PLCL2: variants seen among roughly 807,000 people sequenced by gnomAD.
PLCL2 encodes phospholipase C like 2.
Under a neutral mutation model 79.6 loss-of-function variants are expected in PLCL2, and 4 were observed. The observed-to-expected ratio is 0.05, with a 90% CI of 0.02 to 0.11. PLCL2 has a LOEUF of 0.11. PLCL2 is among the 10% of genes least tolerant of loss of function. The pLI, the probability that PLCL2 is intolerant of heterozygous loss-of-function variation, is 1.00. For synonymous variants in PLCL2, 484 were observed against 457.7 expected (o/e 1.06, Z -0.73); for missense variants, 895 against 1,291.0 (o/e 0.69, Z 4.70).
chr3:17,049,745 GTC>G (rs1186411990), intron 4 of PLCL2, among the ~76,000 whole-genome samples: 2 of 151,960 alleles, frequency 1.3e-5, no homozygotes, highest in South Asian at 4.1e-4. Context: ...TTGTTAAAAT[GTC>G]CATACTACCC....
chr3:17,042,909 A>C lies in PLCL2; in HGVS notation c.3054A>C (p.Ala1018=). ...IQSLKALIEN[A]DAVYEKIVHC... ...CCCTCAAGGCGTTGATTGAAAATGC[A>C]GATGCTGTATATGAAAAGATCGTAC... The change falls in exon 4 of 6, where the codon GCA becomes GCC. Residue 1018 remains alanine (A), a synonymous_variant. Transcript: ENST00000615277. 6.2e-7 allele frequency: 1 copy of C among 1,612,620 alleles called. No homozygotes were observed. The highest frequency in any genetic ancestry group is 8.5e-7 in the Non-Finnish European group (1 of 1,178,720).
At chr3:16,988,299 C>T (rs1422000270) in intron 1 of PLCL2, among the ~76,000 whole-genome samples, 1 of 152,046 alleles carries the variant, frequency 6.6e-6, no homozygotes. Context: ...CAACAGAAAC[C>T]AGTTCTGTCA....
At chr3:17,015,445 G>A (rs1400250818) in intron 3 of PLCL2, among the ~76,000 whole-genome samples, 1 of 152,122 alleles carries the variant, frequency 6.6e-6, no homozygotes, top group African/African-American at 2.4e-5. Context: ...AGGACACCTA[G>A]AATATTACAT....
chr3:17,043,112 T>G (rs1384969891), intron 4 of PLCL2, among the ~76,000 whole-genome samples, 163 bp downstream of exon 4: 1 of 152,172 alleles, frequency 6.6e-6, no homozygotes, highest in East Asian at 1.9e-4. Flanking sequence ...CAGCCTTGGG[T>G]AACAAACTCA....
chr3:16,959,931 C>T (rs1416455518), intron 1 of PLCL2, among the ~76,000 whole-genome samples: 1 of 152,114 alleles, frequency 6.6e-6, no homozygotes, highest in Non-Finnish European at 1.5e-5. Flanking sequence ...TAGTGAAACC[C>T]CGTCTCTGCT....
intron 5 of PLCL2, among the ~76,000 whole-genome samples, chr3:17,080,034 C>G (rs1488882419): frequency 6.6e-6 from 1 of 152,200 alleles, no homozygotes; most frequent in Non-Finnish European, 1.5e-5. Flanking sequence ...CTGGCAGCTT[C>G]TTTGCACCCT....
At chr3:17,051,763 A>G (rs1363629680) in intron 4 of PLCL2, among the ~76,000 whole-genome samples, 2 of 152,182 alleles carry the variant, frequency 1.3e-5, no homozygotes, top group South Asian at 2.1e-4. Flanking sequence ...GGCCTGAACA[A>G]CAAGAGCTTC....
At chr3:17,013,799 C>T (rs561810307) in intron 2 of PLCL2, among the ~76,000 whole-genome samples, 12 of 152,118 alleles carry the variant, frequency 7.9e-5, no homozygotes, top group Non-Finnish European at 1.3e-4. Flanking sequence ...TATAATTGGC[C>T]TGTTATTACT....
chr3:17,036,757 T>C (rs2064661062), intron 3 of PLCL2, among the ~76,000 whole-genome samples: 1 of 152,222 alleles, frequency 6.6e-6, no homozygotes, highest in Admixed American at 6.5e-5. Context: ...AAACAGAATA[T>C]CACAGCCTGT....
rs1449930092 is a variant in PLCL2, at chr3:17,009,185, A to G, written c.328-489A>G. Among the ~76,000 whole-genome samples, 1 of 151,822 alleles carries G rather than the reference A, an allele frequency of 6.6e-6. No homozygotes were observed. The highest frequency in any genetic ancestry group is 1.5e-5 in the Non-Finnish European group (1 of 67,970). ...TTTTTAGTAGAGACAGGGTTTCAGC[A>G]CGTTGGCCAGGCTGGTCTCAAACTT... On this transcript the variant is annotated intron_variant, in intron 1 of 5. Transcript: ENST00000615277. This position sits in a 1 kb window ranked among gnomAD's most constrained non-coding sequence, Gnocchi z 4.0.
chr3:16,961,494 A>G (rs1484269157), intron 1 of PLCL2, among the ~76,000 whole-genome samples: 2 of 152,182 alleles, frequency 1.3e-5, no homozygotes, highest in Non-Finnish European at 2.9e-5. Flanking sequence ...GGTTTAAGGA[A>G]GTTTAATCCT....
intron 1 of PLCL2, among the ~76,000 whole-genome samples, chr3:16,913,983 T>C (rs1247580782): frequency 6.6e-6 from 1 of 152,262 alleles, no homozygotes; most frequent in Admixed American, 6.5e-5. Flanking sequence ...CTGTGATATA[T>C]GACTTGCCAG....
chr3:16,963,280 C>CAT (rs902727116), intron 1 of PLCL2, among the ~76,000 whole-genome samples: 75 of 151,924 alleles, frequency 4.9e-4, no homozygotes, highest in Middle Eastern at 3.5e-3. Flanking sequence ...CACACATCTA[C>CAT]ATATATATAT....
rs376714430 is a variant in PLCL2, at chr3:16,894,744, ATTCTC to A, written c.327+9381_327+9385del. On this transcript the variant is annotated intron_variant, in intron 1 of 5. Transcript: ENST00000615277. Reference sequence around the variant, plus strand: ...TCATATGTTTCTTGGCCATTTGGATATTCTCTTTTGTGAAAATGCTTGTTCAAGTC... The same window carrying A: ...TCATATGTTTCTTGGCCATTTGGATATTTTGTGAAAATGCTTGTTCAAGTC... Among the ~76,000 whole-genome samples the A allele has an allele frequency of 8.2e-4, 125 of 152,030 alleles. No individual in the cohort carries two copies. In the South Asian group the frequency reaches 0.026, roughly 32 times the overall value.
rs140767865 is a variant in PLCL2, at chr3:16,925,086, G to A, written c.327+39720G>A. Among the ~76,000 whole-genome samples, 1,131 of 151,882 alleles carry A rather than the reference G, an allele frequency of 7.4e-3. 13 individuals are homozygous for A. Among genetic ancestry groups the A allele is most frequent in the African/African-American group, 0.025 (1,048 of 41,438 alleles). On this transcript the variant is annotated intron_variant, in intron 1 of 5. Coordinates refer to ENST00000615277, the MANE Select transcript of PLCL2 (RefSeq NM_001144382.2). ...CTACAGGTGCCTGCCATCATGCCCC[G>A]CTAATTTTTTGTATTTTTAGTAGAG...
At chr3:16,899,346 G>A (rs1055094299) in intron 1 of PLCL2, among the ~76,000 whole-genome samples, 2 of 152,244 alleles carry the variant, frequency 1.3e-5, no homozygotes, top group African/African-American at 4.8e-5. Context: ...CTTTTCTGCT[G>A]TATCTAAACA....
chr3:17,064,349 C>G (rs80138042), intron 4 of PLCL2, among the ~76,000 whole-genome samples: 1 of 152,200 alleles, frequency 6.6e-6, no homozygotes, highest in African/African-American at 2.4e-5. Flanking sequence ...TAACTGGTAC[C>G]TATGCAATAG....
Position 17,034,932 on chromosome 3 carries a change from C to T in PLCL2, c.3019-7942C>T, listed in dbSNP as rs76614059. ...CTCTCCCAGCACCTCTCTCTGTACA[C>T]GCCTGTAAATGTTTAGCATCCTTGT... On this transcript the variant is annotated intron_variant, in intron 3 of 5. Transcript: ENST00000615277. Among the ~76,000 whole-genome samples the T allele has an allele frequency of 3.4e-3, 514 of 152,222 alleles. 3 individuals carry two copies. Among genetic ancestry groups the T allele is most frequent in the African/African-American group, 0.012 (482 of 41,548 alleles).
chr3:16,989,311 T>A (rs2064081209), intron 1 of PLCL2, among the ~76,000 whole-genome samples: 1 of 152,124 alleles, frequency 6.6e-6, no homozygotes, highest in African/African-American at 2.4e-5. Context: ...GAATTTGGAA[T>A]TAAAATATGA....
Sources: allele counts gnomAD v4.1 joint callset (sites outside exome capture counted in the v4.1 genomes callset), GRCh38; gene constraint gnomAD v4.1.1; non-coding constraint Gnocchi (gnomAD v3.1); transcripts MANE v1.5; gene names NCBI Gene and HGNC (gene_info 2026-07-23, HGNC 2026-07-21).